Variants in POLR2F observed in about 807,000 individuals in gnomAD.
POLR2F encodes RNA polymerase II, I and III subunit F.
In POLR2F, 12 loss-of-function variants were observed where a neutral mutation model predicts 22.7. The ratio of observed to expected loss-of-function variants is 0.53; its 90% confidence interval spans 0.34 to 0.86. The LOEUF is 0.86. Among genes scored for constraint, POLR2F ranks in the 40% least tolerant of loss-of-function variants. The pLI, the probability that POLR2F is intolerant of heterozygous loss-of-function variation, is 0.02. For missense variants in POLR2F, 126 were observed against 171.5 expected (o/e 0.73, Z 1.48); for synonymous variants, 57 against 66.0 (o/e 0.86, Z 0.66).
In POLR2F at chr22:37,959,477, G is replaced by A. The variant is rs778509610; in HGVS notation, c.221+1G>A. ...TGGGCACCCGAGCGCTCCAGATTGC[G>A]TGAGTGATTGCCCCTTCACTGTCTT... On this transcript the variant is annotated splice_donor_variant, in intron 3 of 4. Transcript: ENST00000442738. LOFTEE classifies it high-confidence loss of function. The A allele has an allele frequency of 8.7e-6, 14 of 1,613,468 alleles. No homozygotes were observed. The highest frequency in any genetic ancestry group is 1.2e-5 in the Non-Finnish European group (14 of 1,179,880).
chr22:37,973,457 C>T (rs1932119367), downstream of POLR2F: 1 of 1,348,154 alleles, frequency 7.4e-7, no homozygotes, highest in Non-Finnish European at 1.0e-6. Context: ...AGGCTGGGGG[C>T]AGGGGCTGGG....
chr22:37,986,456 G>A lies in POLR2F; in HGVS notation c.120+144G>A. The A allele has an allele frequency of 2.7e-6, 4 of 1,507,156 alleles. No individual in the cohort carries two copies. The highest frequency in any genetic ancestry group is 3.6e-6 in the Non-Finnish European group (4 of 1,122,042). 93.4% of individuals were successfully genotyped at this position (1,507,156 alleles called of 1,614,324 possible). A position where few individuals can be genotyped will look rare whatever the true frequency, so the allele number is the denominator to read the frequency against. The stretch of plus-strand genomic sequence containing the variant: ...GGAAGGAAAGAGCCCAGAGTTAGGA[G>A]GTGGAATGTGGGGTCCCACAGCTGC... On this transcript the variant is annotated intron_variant, in intron 1 of 2. Coordinates refer to the POLR2F transcript ENST00000333418. The surrounding 1 kb of genome is among the most constrained non-coding windows in gnomAD (Gnocchi z 4.7).
rs371462462 is a variant in POLR2F, at chr22:37,992,642, G to A, written c.120+6330G>A. ...TCAAACTCCAGACCTCAGGTGATTCGCCCGCCTCGGCCTCCCAAAGTGCTG... is the reference window on the plus strand; with the variant it reads ...TCAAACTCCAGACCTCAGGTGATTCACCCGCCTCGGCCTCCCAAAGTGCTG... On this transcript the variant is annotated intron_variant, in intron 1 of 2. Coordinates refer to the POLR2F transcript ENST00000333418. Among the ~76,000 whole-genome samples, 9 of 152,162 alleles carry A rather than the reference G, an allele frequency of 5.9e-5. 2 individuals carry two copies. In the South Asian group the frequency reaches 1.9e-3, roughly 32 times the overall value.
intron 1 of POLR2F, among the ~76,000 whole-genome samples, chr22:38,012,264 T>C (rs2084877611): frequency 6.6e-6 from 1 of 152,080 alleles, no homozygotes; most frequent in African/African-American, 2.4e-5. Context: ...GTATTTTTAG[T>C]AGAGAGAGGG....
At chr22:37,955,015 G>A (rs56754903) in intron 1 of POLR2F, among the ~76,000 whole-genome samples, 5,302 of 152,166 alleles carry the variant, frequency 0.035, 301 homozygotes, top group African/African-American at 0.12. Context: ...ATTTAGCAAC[G>A]TGGAGATCAT....
intron 1 of POLR2F, among the ~76,000 whole-genome samples, chr22:38,000,656 A>T (rs2084760875): frequency 6.6e-6 from 1 of 152,208 alleles, no homozygotes; most frequent in South Asian, 2.1e-4. Flanking sequence ...CAGAGGAATA[A>T]GCCAACACCA....
intron 1 of POLR2F, among the ~76,000 whole-genome samples, chr22:38,002,782 G>C (rs1182427930): frequency 6.6e-5 from 10 of 150,768 alleles, no homozygotes; most frequent in African/African-American, 2.2e-4. Flanking sequence ...CTGGAGTGCA[G>C]TGGCGCCATC....
intron 1 of POLR2F, among the ~76,000 whole-genome samples, chr22:38,011,639 A>G (rs901104215): frequency 6.6e-6 from 1 of 152,148 alleles, no homozygotes; most frequent in Admixed American, 6.6e-5. Context: ...TGTCAATGCT[A>G]CATTGACTTG....
At chr22:38,033,843 T>C (rs2085089442) in intron 5 of POLR2F, among the ~76,000 whole-genome samples, 2 of 152,302 alleles carry the variant, frequency 1.3e-5, no homozygotes, top group African/African-American at 2.4e-5. Flanking sequence ...GCTTCTGTCC[T>C]GTGCTCGCTG....
chr22:37,991,116 C>A (rs960850098), intron 1 of POLR2F, among the ~76,000 whole-genome samples: 1 of 152,150 alleles, frequency 6.6e-6, no homozygotes, highest in Non-Finnish European at 1.5e-5. Flanking sequence ...ACCCCCGTTT[C>A]CATTGTTATT....
chr22:38,025,305 A>G (rs535278432), intron 1 of POLR2F, among the ~76,000 whole-genome samples: 3 of 152,228 alleles, frequency 2.0e-5, no homozygotes, highest in African/African-American at 7.2e-5. Context: ...TGCACTTGCA[A>G]TCACAGCACA....
intron 4 of POLR2F, 39 bp downstream of exon 4, chr22:37,967,209 T>A: frequency 1.2e-6 from 2 of 1,603,692 alleles, no homozygotes; most frequent in Non-Finnish European, 1.7e-6. Flanking sequence ...TCCAAATCTC[T>A]GGGAGGCATC....
chr22:38,041,254 C>G, downstream of POLR2F: 1 of 1,252,120 alleles, frequency 8.0e-7, no homozygotes, highest in Non-Finnish European at 1.1e-6. Flanking sequence ...CGGGGGCAGG[C>G]ACAGGGGGAG....
rs1442748717 is a variant in POLR2F at position 37,986,558 on chromosome 22, G to C, written c.120+246G>C. On this transcript the variant is annotated intron_variant, in intron 1 of 2. Coordinates refer to the POLR2F transcript ENST00000333418. The surrounding 1 kb of genome is among the most constrained non-coding windows in gnomAD (Gnocchi z 4.7). ...CAGGATGGGGGTGGGGGTAGCAGTGGGCACGCTCTGTCTGCAGGAAGCCAC... is the reference window on the plus strand; with the variant it reads ...CAGGATGGGGGTGGGGGTAGCAGTGCGCACGCTCTGTCTGCAGGAAGCCAC... The C allele has an allele frequency of 2.3e-6, 2 of 873,828 alleles. No individual in the cohort carries two copies. The highest frequency in any genetic ancestry group is 5.3e-5 in the East Asian group (2 of 37,676). The allele number at this position is 873,828 out of a possible 1,614,324, so 54.1% of individuals were successfully genotyped here.
intron 1 of POLR2F, among the ~76,000 whole-genome samples, chr22:38,015,220 A>C (rs2084906293): frequency 6.6e-6 from 1 of 152,210 alleles, no homozygotes; most frequent in African/African-American, 2.4e-5. Flanking sequence ...AGTGATTACT[A>C]TGAAAGTCAA....
chr22:38,034,401 C>G (rs565307464), intron 5 of POLR2F, among the ~76,000 whole-genome samples: 1 of 152,198 alleles, frequency 6.6e-6, no homozygotes, highest in Non-Finnish European at 1.5e-5. Context: ...GGCCACGTGG[C>G]GGCAGGCAGG....
rs3026671 is a variant in POLR2F, at chr22:38,034,750, C to G, written c.453-6318C>G. On this transcript the variant is annotated intron_variant, in intron 5 of 5. Transcript: ENST00000407936. ...TGGAGGGGGTTGTGCCTGCGCAGCTCGGAACAATGAGTCAGAAGCAGCCAG... is the reference window on the plus strand; with the variant it reads ...TGGAGGGGGTTGTGCCTGCGCAGCTGGGAACAATGAGTCAGAAGCAGCCAG... 2.6e-5 allele frequency among the ~76,000 whole-genome samples: 4 copies of G among 152,272 alleles called. No individual in the cohort carries two copies. In the East Asian group the frequency reaches 5.8e-4, roughly 22 times the overall value.
intron 3 of POLR2F, among the ~76,000 whole-genome samples, chr22:37,962,113 C>T (rs1488490779): frequency 6.6e-6 from 1 of 152,018 alleles, no homozygotes; most frequent in Non-Finnish European, 1.5e-5. Context: ...CGCCTGTAGT[C>T]CCAGCTACTC....
chr22:38,007,812 G>A (rs917715027), intron 1 of POLR2F, among the ~76,000 whole-genome samples: 3 of 152,254 alleles, frequency 2.0e-5, no homozygotes, highest in African/African-American at 7.2e-5. Flanking sequence ...GGGAATTACA[G>A]CGTTGCTGGG....
Sources: gnomAD v4.1 joint callset for allele counts (sites outside exome capture counted in the v4.1 genomes callset) on GRCh38, gnomAD v4.1.1 for gene constraint, Gnocchi (gnomAD v3.1) non-coding constraint, MANE v1.5 for transcripts, NCBI Gene and HGNC (gene_info 2026-07-23, HGNC 2026-07-21) for gene names.